Variants in CD109 observed in about 807,000 individuals in gnomAD.
CD109 encodes CD109 molecule, also known as CD109 antigen.
A neutral mutation model predicts 165.8 loss-of-function variants in CD109; 149 were observed. The observed-to-expected ratio is 0.90, with a 90% CI of 0.79 to 1.03. CD109 has a LOEUF of 1.03. Among genes scored for constraint, CD109 ranks in the 50% least tolerant of loss-of-function variants. The pLI is 0.00. For missense variants in CD109, 1,712 were observed against 1,677.8 expected, an observed-to-expected ratio of 1.02 and a Z score of -0.36; for synonymous variants, 585 against 592.1, an observed-to-expected ratio of 0.99 and a Z score of 0.18.
chr6:73,759,347 T>C (rs1180436580), intron 7 of CD109, among the ~76,000 whole-genome samples: 1 of 152,142 alleles, frequency 6.6e-6, no homozygotes, highest in East Asian at 1.9e-4. Flanking sequence ...TGGCTAATTT[T>C]TTTTCCTTTA....
At chr6:73,787,760 T>C (rs771126233) in intron 21 of CD109, among the ~76,000 whole-genome samples, 3 of 152,188 alleles carry the variant, frequency 2.0e-5, no homozygotes, top group Admixed American at 1.3e-4. Flanking sequence ...TTTGTAGATT[T>C]GGAATTTTGG....
chr6:73,711,534 G>GTTTTTTTGTTTT lies in CD109; in HGVS notation c.248-11710_248-11709insGTTTTTTTTTTT, dbSNP rs1771538099. Among the ~76,000 whole-genome samples the GTTTTTTTGTTTT allele has an allele frequency of 8.5e-5, 2 of 23,482 alleles. 1 individual carries two copies. The highest frequency in any genetic ancestry group is 8.3e-4 in the Non-Finnish European group (2 of 2,406). The allele number at this position is 23,482 out of a possible 152,430, so 15.4% of individuals were successfully genotyped here. Reference sequence around the variant, plus strand: ...TTGTATTTTTAAAATCGTACTTTAAGTTTTTTTTTTTTTTTTTGAGACGGA... The same window carrying GTTTTTTTGTTTT: ...TTGTATTTTTAAAATCGTACTTTAAGTTTTTTTGTTTTTTTTTTTTTTTTTTTTTGAGACGGA... On this transcript the variant is annotated intron_variant, in intron 2 of 32. Transcript: ENST00000287097.
the CD109 span, among the ~76,000 whole-genome samples, chr6:73,682,652 C>G: frequency 2.6e-5 from 4 of 152,238 alleles, no homozygotes; most frequent in Non-Finnish European, 5.9e-5. Context: ...TGTGTGGGGG[C>G]TCCCATCCCC....
chr6:73,797,228 T>C (rs1264410362), intron 23 of CD109, among the ~76,000 whole-genome samples: 3 of 152,232 alleles, frequency 2.0e-5, no homozygotes, highest in African/African-American at 7.2e-5. Flanking sequence ...GTGTCTTTGC[T>C]GTCAAAAAGG....
chr6:73,792,864 T>C, intron 23 of CD109, 62 bp downstream of exon 23: 1 of 1,259,046 alleles, frequency 7.9e-7, no homozygotes. Flanking sequence ...CAGGTAGGGT[T>C]CATTCTAGAC....
At chr6:73,755,922 C>T (rs1317435232) in intron 5 of CD109, among the ~76,000 whole-genome samples, 1 of 152,008 alleles carries the variant, frequency 6.6e-6, no homozygotes, top group Non-Finnish European at 1.5e-5. Flanking sequence ...GTTTGTGCCA[C>T]TATACTCCAG....
intron 22 of CD109, among the ~76,000 whole-genome samples, chr6:73,789,667 A>G (rs897818862): frequency 6.0e-5 from 9 of 150,920 alleles, no homozygotes; most frequent in Non-Finnish European, 1.0e-4. Flanking sequence ...TCACCATGTT[A>G]GCCAGGATGG....
chr6:73,722,224 A>C (rs550854647), intron 2 of CD109, among the ~76,000 whole-genome samples: 1 of 152,326 alleles, frequency 6.6e-6, no homozygotes, highest in South Asian at 2.1e-4. Context: ...GCTTTTTGAC[A>C]CTATAATAGC....
rs1459852554 is a variant in CD109, at chr6:73,699,625, C to CT, written c.247+2057dup. The stretch of plus-strand genomic sequence containing the variant: ...GTTTTCAGCTTTATTCTTAGATCTT[C>CT]TTTTGGGAGAAGGGTTCCTTGTATG... On this transcript the variant is annotated intron_variant, in intron 2 of 32. Transcript: ENST00000287097. Among the ~76,000 whole-genome samples, 4 of 152,090 alleles carry CT rather than the reference C, an allele frequency of 2.6e-5. No individual in the cohort carries two copies. The East Asian group carries it at 5.8e-4, about 22-fold the overall frequency.
At chr6:73,748,965 T>G (rs1773083495) in intron 5 of CD109, among the ~76,000 whole-genome samples, 2 of 152,196 alleles carry the variant, frequency 1.3e-5, no homozygotes, top group African/African-American at 4.8e-5. Flanking sequence ...CTCTCCCAAT[T>G]TTATGGTAAA....
At chr6:73,766,256 T>C in intron 11 of CD109, 102 bp downstream of exon 11, 3 of 858,456 alleles carry the variant, frequency 3.5e-6, no homozygotes, top group Non-Finnish European at 5.5e-6. Flanking sequence ...ACATAGGAAG[T>C]GGACACATGT....
intron 3 of CD109, among the ~76,000 whole-genome samples, chr6:73,726,268 A>G (rs1374469102): frequency 1.3e-5 from 2 of 152,232 alleles, no homozygotes; most frequent in Non-Finnish European, 2.9e-5. Flanking sequence ...TACTCATTGT[A>G]CTTCAAGACA....
chr6:73,749,128 A>T (rs1163652468), intron 5 of CD109, among the ~76,000 whole-genome samples: 1 of 152,204 alleles, frequency 6.6e-6, no homozygotes, highest in South Asian at 2.1e-4. Flanking sequence ...GTCAGTACAC[A>T]TCTAAAGGTG....
chr6:73,683,961 C>T, the CD109 span, among the ~76,000 whole-genome samples: 1 of 152,174 alleles, frequency 6.6e-6, no homozygotes, highest in African/African-American at 2.4e-5. Context: ...GTGGGAGTTA[C>T]AATTCAAGAT....
At chr6:73,791,186 CACATACATAT>C (rs1194554487) in intron 22 of CD109, among the ~76,000 whole-genome samples, 5 of 18,378 alleles carry the variant, frequency 2.7e-4, no homozygotes, top group African/African-American at 7.0e-4. Flanking sequence ...TACACACACA[CACATACATAT>C]ATATATATAT....
chr6:73,742,670 T>C (rs972179398), intron 5 of CD109, among the ~76,000 whole-genome samples: 20 of 152,224 alleles, frequency 1.3e-4, no homozygotes, highest in South Asian at 4.1e-4. Context: ...CCCTGTGCTG[T>C]CTTTCCTCAT....
chr6:73,740,818 A>G (rs1772749059), intron 5 of CD109, among the ~76,000 whole-genome samples: 1 of 151,668 alleles, frequency 6.6e-6, no homozygotes, highest in South Asian at 2.1e-4. Flanking sequence ...CTTGAACTCC[A>G]GACCTCAAGT....
At chr6:73,732,523 A>AT (rs1772403767) in intron 4 of CD109, among the ~76,000 whole-genome samples, 1 of 152,244 alleles carries the variant, frequency 6.6e-6, no homozygotes, top group African/African-American at 2.4e-5. Flanking sequence ...GACTCCATTC[A>AT]TACCATCTTT....
chr6:73,808,948 G>GCTT (rs138250518), intron 26 of CD109, among the ~76,000 whole-genome samples: 3,596 of 151,930 alleles, frequency 0.024, 161 homozygotes, highest in African/African-American at 0.082. Context: ...GTGTTTAGAG[G>GCTT]CTTCTGAGAC....
Sources: gnomAD v4.1 joint callset for allele counts (sites outside exome capture counted in the v4.1 genomes callset) on GRCh38, gnomAD v4.1.1 for gene constraint, MANE v1.5 for transcripts, NCBI Gene and HGNC (gene_info 2026-07-23, HGNC 2026-07-21) for gene names.